ZNF823: variants seen among roughly 807,000 people sequenced by gnomAD.
ZNF823 encodes the protein zinc finger protein 823.
In ZNF823, 5 loss-of-function variants were observed where a neutral mutation model predicts 11.4. The observed-to-expected ratio is 0.44, with a 90% confidence interval of 0.23 to 0.92. The LOEUF (loss-of-function observed/expected upper bound fraction) is 0.92, where lower values mean the gene tolerates loss of function less well. Ranked by LOEUF, ZNF823 falls within the 40% of genes least tolerant of loss-of-function variation. The pLI, the probability that ZNF823 is intolerant of heterozygous loss-of-function variation, is 0.24. For synonymous variants in ZNF823, 234 were observed against 250.5 expected (o/e 0.93, Z 0.62); for missense variants, 582 against 738.5 (o/e 0.79, Z 2.46).
chr19:11,738,498 C>T (rs1005962841), intron 1 of ZNF823, among the ~76,000 whole-genome samples: 3 of 152,264 alleles, frequency 2.0e-5, no homozygotes, highest in African/African-American at 7.2e-5. Context: ...GGTGCAGTGA[C>T]TCGGGCCGTG....
chr19:11,722,176 C>T lies in ZNF823; in HGVS notation c.1358G>A (p.Ser453Asn). The T allele has an allele frequency of 1.2e-6, 2 of 1,614,048 alleles. No homozygotes were observed. The highest frequency in any genetic ancestry group is 1.3e-5 in the African/African-American group (1 of 75,004). The change falls in exon 4 of 4, where the codon AGT becomes AAT. Residue 453 changes from serine (S) to asparagine (N), a missense_variant. Ser to Asn is a conservative substitution (Grantham distance 46). Coordinates refer to ENST00000341191, the MANE Select transcript of ZNF823 (RefSeq NM_001080493.4). The surrounding 1 kb of genome is among the most constrained non-coding windows in gnomAD (Gnocchi z 5.2). ...PYKCQCGKAF[S>N]DLSSFQNHET... is the part of the protein sequence containing the mutation. ...ATGATTTTGAAAGGAAGAGAGATCA[C>T]TAAAGGCTTTCCCACACTGACATTT...
chr19:11,721,772 A>T lies in ZNF823; in HGVS notation c.1762T>A (p.Cys588Ser). 1 of 1,614,174 alleles carries T rather than the reference A, an allele frequency of 6.2e-7. No individual in the cohort carries two copies. The highest frequency in any genetic ancestry group is 1.1e-5 in the South Asian group (1 of 91,088). The stretch of plus-strand genomic sequence containing the variant: ...CGGAGAGAACTCAATGCTTTCCCAC[A>T]TTCCTTACATTCATACAGCTTCTCT... ...TGEKLYECKE[C>S]GKALSSLRSL... The change falls in exon 4 of 4, where the codon TGT (cysteine) becomes AGT (serine). Residue 588 changes from cysteine to serine, a missense_variant. Coordinates refer to ENST00000341191, the MANE Select transcript of ZNF823 (RefSeq NM_001080493.4).
intron 1 of ZNF823, among the ~76,000 whole-genome samples, chr19:11,732,980 T>A (rs897691345): frequency 2.0e-5 from 3 of 152,174 alleles, no homozygotes; most frequent in Non-Finnish European, 4.4e-5. Flanking sequence ...TTAGCATAAC[T>A]TCACCTAAGG....
In ZNF823 at chr19:11,722,094, G is replaced by C; in HGVS notation, c.1440C>G (p.Phe480Leu). 6.2e-7 allele frequency: 1 copy of C among 1,610,522 alleles called. No homozygotes were observed. The highest frequency in any genetic ancestry group is 2.2e-5 in the East Asian group (1 of 44,674). Residue 480 changes from phenylalanine to leucine, a missense_variant, in exon 4 of 4, where the codon TTC (phenylalanine) becomes TTG (leucine). By Grantham distance (22) the Phe-to-Leu change is conservative. Transcript: ENST00000341191. This position sits in a 1 kb window ranked among gnomAD's most constrained non-coding sequence, Gnocchi z 5.2. ...PYECKECGKAFSCFKYLSQHK... is the reference protein window; with the variant it reads ...PYECKECGKALSCFKYLSQHK... ...GTTGAGAAAGGTATTTGAAACAACT[G>C]AATGCTTTCCCACATTCCTTACACT...
rs1401417614 is a variant in ZNF823, at chr19:11,722,858, A to G, written c.676T>C (p.Ser226Pro). Residue 226 changes from serine (S) to proline (P), a missense_variant, in exon 4 of 4, where the codon TCT becomes CCT. Ser to Pro is a moderately conservative substitution (Grantham distance 74, BLOSUM62 -1). Around this residue, in one of 3 missense-constraint regions of ZNF823, gnomAD observed 429 missense variants for 553.7 expected, o/e 0.77. Transcript: ENST00000341191. This position sits in a 1 kb window ranked among gnomAD's most constrained non-coding sequence, Gnocchi z 5.2. ...GEKPYECKQC[S>P]KAFPFYSSYL... is the part of the protein sequence containing the mutation. ...GAACTGTAAAAAGGAAAGGCTTTAGAACACTGCTTACATTCATACGGTTTC... is the reference window on the plus strand; with the variant it reads ...GAACTGTAAAAAGGAAAGGCTTTAGGACACTGCTTACATTCATACGGTTTC... 1 of 1,612,890 alleles carries G rather than the reference A, an allele frequency of 6.2e-7. No homozygotes were observed. The highest frequency in any genetic ancestry group is 8.5e-7 in the Non-Finnish European group (1 of 1,179,606).
At chr19:11,736,096 C>A (rs2145052461) in intron 1 of ZNF823, among the ~76,000 whole-genome samples, 1 of 151,436 alleles carries the variant, frequency 6.6e-6, no homozygotes, top group Middle Eastern at 3.4e-3. Context: ...CTTTATAATT[C>A]ATCAATATAT....
intron 1 of ZNF823, among the ~76,000 whole-genome samples, chr19:11,736,513 C>T (rs141408206): frequency 0.011 from 1,718 of 151,800 alleles, 22 homozygotes; most frequent in African/African-American, 0.04. Context: ...AGCGAGACTC[C>T]GTCTCAAAAA....
At chr19:11,731,141 T>C (rs1306119599) in intron 1 of ZNF823, among the ~76,000 whole-genome samples, 2 of 151,508 alleles carry the variant, frequency 1.3e-5, no homozygotes, top group Non-Finnish European at 1.5e-5. Context: ...GGAGAAACCC[T>C]GTCTCTACTA....
rs11882687 is a variant in ZNF823 at position 11,731,735 on chromosome 19, C to T, written c.4-6408G>A. ...GTTCAATAACTGGCTAAAGGCCAGG[C>T]GCAGTGGCTCACGCCTGTAATCCCA... On this transcript the variant is annotated intron_variant, in intron 1 of 3. Coordinates refer to ENST00000341191, the MANE Select transcript of ZNF823 (RefSeq NM_001080493.4). Among the ~76,000 whole-genome samples the T allele has an allele frequency of 4.7e-3, 719 of 152,140 alleles. 5 individuals carry two copies. Among genetic ancestry groups the T allele is most frequent in the Middle Eastern group, 0.037 (11 of 294 alleles).
chr19:11,735,122 A>T (rs1387706230), intron 1 of ZNF823, among the ~76,000 whole-genome samples: 3 of 151,830 alleles, frequency 2.0e-5, no homozygotes, highest in Non-Finnish European at 4.4e-5. Flanking sequence ...TAAAAATATA[A>T]AAATTAGCTG....
intron 1 of ZNF823, among the ~76,000 whole-genome samples, chr19:11,735,587 G>A (rs1974979578): frequency 6.6e-6 from 1 of 152,096 alleles, no homozygotes; most frequent in Non-Finnish European, 1.5e-5. Context: ...ACACCTGCCA[G>A]GGAGGTTCCC....
chr19:11,724,373 A>G, intron 2 of ZNF823, 119 bp from the exon 3 acceptor site: 1 of 858,918 alleles, frequency 1.2e-6, no homozygotes, highest in South Asian at 1.9e-5. Flanking sequence ...GTGACTCTTC[A>G]ACAACACAGG....
Position 11,738,809 on chromosome 19 carries a change from A to T in ZNF823, c.3+8T>A. The T allele has an allele frequency of 6.2e-7, 1 of 1,610,336 alleles. No homozygotes were observed. Among genetic ancestry groups the T allele is most frequent in the Non-Finnish European group, 8.5e-7 (1 of 1,178,414 alleles). ...TTTGCCTCGGGACGCCGGGCCCCGC[A>T]CACTCACCATTTCCCAGCTTCCAGG... On this transcript the variant is annotated splice_region_variant and intron_variant, in intron 1 of 3. Coordinates refer to ENST00000341191, the MANE Select transcript of ZNF823 (RefSeq NM_001080493.4).
chr19:11,722,733 C>T lies in ZNF823; in HGVS notation c.801G>A (p.Glu267=). The change falls in exon 4 of 4, where the codon GAG becomes GAA. Residue 267 remains glutamate (E), a synonymous_variant. Transcript: ENST00000341191. The surrounding 1 kb of genome is among the most constrained non-coding windows in gnomAD (Gnocchi z 5.2). Reference sequence around the variant, plus strand: ...AGGGTTTCTCTCCGGTGTGAGTTCTCTCATGTCTTAGATAGGTACTGTAAT... The same window carrying T: ...AGGGTTTCTCTCCGGTGTGAGTTCTTTCATGTCTTAGATAGGTACTGTAAT... ...FPDYSTYLRH[E]RTHTGEKPYK... 6.2e-7 allele frequency: 1 copy of T among 1,614,134 alleles called. No individual in the cohort carries two copies. The highest frequency in any genetic ancestry group is 8.5e-7 in the Non-Finnish European group (1 of 1,180,032).
At position 11,723,266 on chromosome 19, in the gene ZNF823, T is replaced by G; in HGVS notation, c.268A>C (p.Lys90Gln). The G allele has an allele frequency of 6.2e-7, 1 of 1,614,054 alleles. No individual in the cohort carries two copies. The highest frequency in any genetic ancestry group is 8.5e-7 in the Non-Finnish European group (1 of 1,179,904). ...CATGGATTTACTCGAGGAGTGTTCT[T>G]GTTCACAATACTATCTGGAATCTGG... ...FGQIPDSIVN[K>Q]NTPRVNPCDS... Residue 90 changes from lysine (K) to glutamine (Q), a missense_variant, in exon 4 of 4, where the codon AAG (lysine) becomes CAG (glutamine). Around this residue, in one of 3 missense-constraint regions of ZNF823, gnomAD observed 429 missense variants for 553.7 expected, o/e 0.77. Coordinates refer to ENST00000341191, the MANE Select transcript of ZNF823 (RefSeq NM_001080493.4).
At chr19:11,734,429 C>T (rs1407698570) in intron 1 of ZNF823, among the ~76,000 whole-genome samples, 1 of 152,132 alleles carries the variant, frequency 6.6e-6, no homozygotes, top group African/African-American at 2.4e-5. Flanking sequence ...AAATGATTAG[C>T]TGAACAATTC....
At position 11,721,917 on chromosome 19, in the gene ZNF823, G is replaced by C; in HGVS notation, c.1617C>G (p.Leu539=). 6.2e-7 allele frequency: 1 copy of C among 1,614,040 alleles called. No homozygotes were observed. The highest frequency in any genetic ancestry group is 8.5e-7 in the Non-Finnish European group (1 of 1,179,998). Residue 539 remains leucine (L), a synonymous_variant, in exon 4 of 4, where the codon CTC becomes CTG. Coordinates refer to ENST00000341191, the MANE Select transcript of ZNF823 (RefSeq NM_001080493.4). ...CKECGKAFSW[L]TCLLRHERIH... ...TTCTTTCATGTCGTAGAAGGCAAGT[G>C]AGCCAAGAGAATGCTTTTCCACATT... is the stretch of plus-strand genomic sequence containing the variant.
rs537243329 is a variant in ZNF823, at chr19:11,721,904, G to C, written c.1630C>G (p.Arg544Gly). 1 of 1,607,162 alleles carries C rather than the reference G, an allele frequency of 6.2e-7. No homozygotes were observed. The highest frequency in any genetic ancestry group is 1.7e-5 in the Admixed American group (1 of 59,084). ...KAFSWLTCLLRHERIHTGEKP... is the reference protein window; with the variant it reads ...KAFSWLTCLLGHERIHTGEKP... Reference sequence around the variant, plus strand: ...TCTCCAGTGTGAATTCTTTCATGTCGTAGAAGGCAAGTGAGCCAAGAGAAT... The same window carrying C: ...TCTCCAGTGTGAATTCTTTCATGTCCTAGAAGGCAAGTGAGCCAAGAGAAT... The change falls in exon 4 of 4, where the codon CGA becomes GGA. Residue 544 changes from arginine to glycine, a missense_variant. Coordinates refer to ENST00000341191, the MANE Select transcript of ZNF823 (RefSeq NM_001080493.4).
At position 11,738,800 on chromosome 19, in the gene ZNF823, G is replaced by A. The variant is rs749828403; in HGVS notation, c.3+17C>T. Reference sequence around the variant, plus strand: ...TGCCCCTTCTTTGCCTCGGGACGCCGGGCCCCGCACACTCACCATTTCCCA... The same window carrying A: ...TGCCCCTTCTTTGCCTCGGGACGCCAGGCCCCGCACACTCACCATTTCCCA... On this transcript the variant is annotated intron_variant, in intron 1 of 3. Coordinates refer to ENST00000341191, the MANE Select transcript of ZNF823 (RefSeq NM_001080493.4). 6.2e-7 allele frequency: 1 copy of A among 1,609,330 alleles called. No individual in the cohort carries two copies. The highest frequency in any genetic ancestry group is 2.2e-5 in the East Asian group (1 of 44,468).
Sources: allele counts gnomAD v4.1 joint callset (sites outside exome capture counted in the v4.1 genomes callset), GRCh38; gene constraint gnomAD v4.1.1; regional missense constraint gnomAD v4.1.1; non-coding constraint Gnocchi (gnomAD v3.1); transcripts MANE v1.5; gene names NCBI Gene and HGNC (gene_info 2026-07-23, HGNC 2026-07-21).